ARHGEF11: variants seen among roughly 807,000 people sequenced by gnomAD.
ARHGEF11 encodes the protein Rho guanine exchange factor (GEF) 11.
A neutral mutation model predicts 193.7 loss-of-function variants in ARHGEF11; 55 were observed. The observed-to-expected ratio is 0.28, with a 90% CI of 0.23 to 0.36. The LOEUF is 0.36. Among genes scored for constraint, ARHGEF11 ranks in the 10% least tolerant of loss-of-function variants. The pLI, the probability that ARHGEF11 is intolerant of heterozygous loss-of-function variation, is 1.00. For missense variants in ARHGEF11, 1,723 were observed against 2,005.6 expected (o/e 0.86, Z 2.69); for synonymous variants, 693 against 768.0 (o/e 0.90, Z 1.62).
intron 30 of ARHGEF11, 88 bp from the exon 31 acceptor site, chr1:156,944,521 A>G: frequency 7.1e-7 from 1 of 1,406,292 alleles, no homozygotes; most frequent in African/African-American, 1.4e-5. Flanking sequence ...CATTGTGTTA[A>G]GGTGCTGGGA....
rs182806396 is a variant in ARHGEF11, at chr1:156,953,137, T to C, written c.1799-1438A>G. On this transcript the variant is annotated intron_variant, in intron 21 of 40. Coordinates refer to ENST00000368194, the MANE Select transcript of ARHGEF11 (RefSeq NM_198236.3). ...CAGGGGAGAAACAGGTAGAAGGAAA[T>C]GCATTTTTAAAAAGAGCAAAGTGGC... 4.0e-3 allele frequency among the ~76,000 whole-genome samples: 608 copies of C among 152,344 alleles called. 7 individuals are homozygous for C. The highest frequency in any genetic ancestry group is 5.6e-3 in the Admixed American group (85 of 15,308).
chr1:156,937,565 T>C, intron 38 of ARHGEF11, 69 bp from the exon 39 acceptor site: 3 of 1,472,396 alleles, frequency 2.0e-6, no homozygotes, highest in Middle Eastern at 1.8e-4. Context: ...CCCGTTCCTG[T>C]GGGATTCCCC....
intron 38 of ARHGEF11, among the ~76,000 whole-genome samples, chr1:156,938,185 C>T (rs1190562251): frequency 6.6e-6 from 1 of 152,214 alleles, no homozygotes; most frequent in African/African-American, 2.4e-5. Context: ...AGGCATTTAT[C>T]CCTGCCATTC....
At chr1:157,002,137 A>G (rs1667286670) in intron 1 of ARHGEF11, among the ~76,000 whole-genome samples, 1 of 152,154 alleles carries the variant, frequency 6.6e-6, no homozygotes, top group Non-Finnish European at 1.5e-5. Context: ...AGACACATAT[A>G]ATGATTCTAT....
At chr1:156,973,512 A>T (rs61801965) in intron 7 of ARHGEF11, among the ~76,000 whole-genome samples, 4,891 of 152,160 alleles carry the variant, frequency 0.032, 143 homozygotes, top group South Asian at 0.1. Context: ...TCACCTTCAT[A>T]CTGAGGATAT....
chr1:156,935,860 C>CG lies in ARHGEF11; in HGVS notation c.*139dup, dbSNP rs1654948668. On this transcript the variant is annotated 3_prime_UTR_variant, in exon 41 of 41. Transcript: ENST00000368194. ...ACCAAGCAACATGCGGGTCTCCCCC[C>CG]GGGCCTTGGCTGGATCCTAGTTTCC... 3 of 966,768 alleles carry CG rather than the reference C, an allele frequency of 3.1e-6. No homozygotes were observed. Among genetic ancestry groups the CG allele is most frequent in the Non-Finnish European group, 4.6e-6 (3 of 659,304 alleles). The allele number at this position is 966,768 out of a possible 1,614,324, so 59.9% of individuals were successfully genotyped here. A position where few individuals can be genotyped will look rare whatever the true frequency, so the allele number is the denominator to read the frequency against.
At chr1:156,950,341 T>A (rs1198656696) in intron 22 of ARHGEF11, among the ~76,000 whole-genome samples, 1 of 152,164 alleles carries the variant, frequency 6.6e-6, no homozygotes, top group Non-Finnish European at 1.5e-5. Context: ...ATTAGTTATT[T>A]CAAAGGCAAA....
chr1:156,940,188 A>G lies in ARHGEF11; in HGVS notation c.3733+19T>C, dbSNP rs1251286476. 1 of 1,550,184 alleles carries G rather than the reference A, an allele frequency of 6.5e-7. No homozygotes were observed. The highest frequency in any genetic ancestry group is 8.7e-7 in the Non-Finnish European group (1 of 1,145,922). ...CGACTGGGGACCAGGGGCTGACGGC[A>G]GGGCCTTGAAGCACTCACCATCTTC... On this transcript the variant is annotated intron_variant, in intron 36 of 40. Transcript: ENST00000368194.
chr1:156,941,313 ACCTG>A (rs1656847411), intron 35 of ARHGEF11, 55 bp downstream of exon 35: 1 of 1,565,610 alleles, frequency 6.4e-7, no homozygotes, highest in South Asian at 1.1e-5. Flanking sequence ...CTCACACCCA[ACCTG>A]TGCCTACAGA....
chr1:156,987,535 A>G (rs1307690043), intron 1 of ARHGEF11, among the ~76,000 whole-genome samples: 1 of 152,254 alleles, frequency 6.6e-6, no homozygotes, highest in African/African-American at 2.4e-5. Context: ...AAAGAAACAT[A>G]TAACACAGTT....
intron 1 of ARHGEF11, among the ~76,000 whole-genome samples, chr1:157,013,966 C>T (rs1449718140): frequency 6.6e-6 from 1 of 152,208 alleles, no homozygotes; most frequent in Non-Finnish European, 1.5e-5. Context: ...GAAAAGCTCC[C>T]ATTTTCGGGC....
chr1:156,971,469 T>C (rs1036902117), intron 8 of ARHGEF11, among the ~76,000 whole-genome samples: 1 of 152,252 alleles, frequency 6.6e-6, no homozygotes, highest in East Asian at 1.9e-4. Flanking sequence ...GCCTATGTTG[T>C]TGGAGGGCAA....
chr1:156,975,471 A>G (rs906731670), intron 7 of ARHGEF11, among the ~76,000 whole-genome samples: 2 of 152,220 alleles, frequency 1.3e-5, no homozygotes, highest in Non-Finnish European at 2.9e-5. Flanking sequence ...AGATACTTGA[A>G]TTGTAAATAT....
Position 156,937,282 on chromosome 1 carries a change from A to T in ARHGEF11, c.4407T>A (p.Ile1469=). 3 of 1,613,880 alleles carry T rather than the reference A, an allele frequency of 1.9e-6. No individual in the cohort carries two copies. The highest frequency in any genetic ancestry group is 2.5e-6 in the Non-Finnish European group (3 of 1,179,888). ...LRDVGMIFHT[I]EQLTLKLNRL... ...TGTTGAGCTTGAGAGTGAGCTGCTC[A>T]ATGGTATGGAAGATCATGCCCACGT... is the stretch of plus-strand genomic sequence containing the variant. The change falls in exon 39 of 41, where the codon ATT becomes ATA. Residue 1469 remains isoleucine (I), a synonymous_variant. Coordinates refer to ENST00000368194, the MANE Select transcript of ARHGEF11 (RefSeq NM_198236.3).
intron 1 of ARHGEF11, among the ~76,000 whole-genome samples, chr1:157,013,296 CACA>C (rs1668789912): frequency 2.0e-5 from 3 of 150,598 alleles, no homozygotes; most frequent in East Asian, 2.0e-4. Flanking sequence ...CACACACACA[CACA>C]CCAAGAACCT....
chr1:156,939,935 T>C, intron 36 of ARHGEF11, 25 bp from the exon 37 acceptor site: 1 of 1,596,858 alleles, frequency 6.3e-7, no homozygotes, highest in Non-Finnish European at 8.5e-7. Context: ...GGGTGATGTC[T>C]TCCCAGCATG....
intron 6 of ARHGEF11, 118 bp downstream of exon 6, chr1:156,978,082 ATATG>A (rs1170849249): frequency 4.9e-6 from 7 of 1,418,464 alleles, no homozygotes; most frequent in Non-Finnish European, 6.6e-6. Context: ...ATGGTCTTTC[ATATG>A]TCTTTTGGCT....
Position 157,031,025 on chromosome 1 carries a change from C to T in ARHGEF11, c.32+13274G>A, listed in dbSNP as rs537714902. Reference sequence around the variant, plus strand: ...TAATCCTGTCACATCTTTCCTCCTGCCTCTCCCACAGCAGTTATGAACCCA... The same window carrying T: ...TAATCCTGTCACATCTTTCCTCCTGTCTCTCCCACAGCAGTTATGAACCCA... On this transcript the variant is annotated intron_variant, in intron 1 of 40. Coordinates refer to ENST00000368194, the MANE Select transcript of ARHGEF11 (RefSeq NM_198236.3). Among the ~76,000 whole-genome samples the T allele has an allele frequency of 4.0e-5, 6 of 151,638 alleles. No homozygotes were observed. In the East Asian group the frequency reaches 9.7e-4, roughly 24 times the overall value.
At chr1:157,024,899 G>A (rs1670460093) in intron 1 of ARHGEF11, among the ~76,000 whole-genome samples, 1 of 152,152 alleles carries the variant, frequency 6.6e-6, no homozygotes, top group Non-Finnish European at 1.5e-5. Flanking sequence ...AACCCCTTGT[G>A]TATTCACAAT....
Sources: allele counts gnomAD v4.1 joint callset (sites outside exome capture counted in the v4.1 genomes callset), GRCh38; gene constraint gnomAD v4.1.1; transcripts MANE v1.5; gene names NCBI Gene and HGNC (gene_info 2026-07-23, HGNC 2026-07-21).